The following FRAS1 variants were observed in gnomAD, a reference collection of about 807,000 sequenced individuals.
FRAS1 encodes extracellular matrix organizing protein FRAS1.
A neutral mutation model predicts 435.2 loss-of-function variants in FRAS1; 290 were observed. That is an observed-to-expected ratio of 0.67 (90% confidence interval 0.61 to 0.73). The LOEUF is 0.73. FRAS1 is among the 30% of genes least tolerant of loss of function. The pLI is 0.00. For missense variants in FRAS1, 4,860 were observed against 5,001.5 expected, an observed-to-expected ratio of 0.97 and a Z score of 0.85; for synonymous variants, 1,800 against 1,851.0, an observed-to-expected ratio of 0.97 and a Z score of 0.71.
In FRAS1 at chr4:78,365,749, AAC is replaced by A. The variant is rs1338023956; in HGVS notation, c.2722+1697_2722+1698del. ...GTTTCTAGTACATTAAAAAAAAAAA[AAC>A]AAAAAAAAAAAACAGCCTGACCAAC... On this transcript the variant is annotated intron_variant, in intron 22 of 73. Transcript: ENST00000512123. 5.8e-3 allele frequency among the ~76,000 whole-genome samples: 592 copies of A among 102,448 alleles called. 14 individuals carry two copies. The highest frequency in any genetic ancestry group is 0.027 in the African/African-American group (537 of 20,234). The allele number at this position is 102,448 out of a possible 152,430, so 67.2% of individuals were successfully genotyped here.
At chr4:78,400,410 T>A (rs376227345) in intron 29 of FRAS1, among the ~76,000 whole-genome samples, 2 of 152,282 alleles carry the variant, frequency 1.3e-5, no homozygotes, top group South Asian at 2.1e-4. Context: ...AATGAATAAT[T>A]CTTAAATATG....
intron 2 of FRAS1, among the ~76,000 whole-genome samples, chr4:78,113,930 T>G (rs1742937930): frequency 6.6e-6 from 1 of 152,208 alleles, no homozygotes; most frequent in African/African-American, 2.4e-5. Flanking sequence ...TGGTATTGCC[T>G]AGGTTTTCTT....
intron 2 of FRAS1, among the ~76,000 whole-genome samples, chr4:78,222,135 T>A (rs1724084532): frequency 6.6e-6 from 1 of 152,128 alleles, no homozygotes; most frequent in Admixed American, 6.5e-5. Flanking sequence ...AAGGCACTGG[T>A]TGATTCTGCT....
At chr4:78,082,225 T>C (rs1243720305) in intron 2 of FRAS1, among the ~76,000 whole-genome samples, 1 of 152,120 alleles carries the variant, frequency 6.6e-6, no homozygotes, top group Non-Finnish European at 1.5e-5. Flanking sequence ...CTCTTCTTTA[T>C]TGAAAATATA....
At chr4:78,305,323 A>G (rs1728655351) in intron 14 of FRAS1, among the ~76,000 whole-genome samples, 1 of 151,846 alleles carries the variant, frequency 6.6e-6, no homozygotes, top group East Asian at 1.9e-4. Context: ...TGGTGCTGAA[A>G]AGAATGTATA....
intron 35 of FRAS1, among the ~76,000 whole-genome samples, chr4:78,425,364 G>GA (rs1733958954): frequency 6.6e-6 from 1 of 152,146 alleles, no homozygotes; most frequent in Non-Finnish European, 1.5e-5. Context: ...AGCAAAAGCA[G>GA]AGTCAGACCT....
Position 78,333,421 on chromosome 4 carries a change from G to C in FRAS1, c.2278+9G>C. ...GGAAGGTAGTTGCACAGGTGAGTAT[G>C]TAATGTGCTGAGGCACATTGCCTAT... On this transcript the variant is annotated intron_variant, in intron 19 of 73. Transcript: ENST00000512123. 1 of 1,608,912 alleles carries C rather than the reference G, an allele frequency of 6.2e-7. No homozygotes were observed. The highest frequency in any genetic ancestry group is 1.1e-5 in the South Asian group (1 of 89,426).
chr4:78,497,705 A>T (rs1184007011), intron 60 of FRAS1, among the ~76,000 whole-genome samples: 1 of 152,252 alleles, frequency 6.6e-6, no homozygotes, highest in African/African-American at 2.4e-5. Context: ...ACTCTTAGTT[A>T]TACAGCTGTA....
At chr4:78,302,871 A>G (rs1450392649) in intron 14 of FRAS1, among the ~76,000 whole-genome samples, 1 of 152,178 alleles carries the variant, frequency 6.6e-6, no homozygotes, top group Non-Finnish European at 1.5e-5. Context: ...ATTAGATCCT[A>G]TTTGTCAACT....
rs3086797 is a variant in FRAS1, at chr4:78,373,446, CTAATAA to C, written c.3010+624_3011-624del. ...GCAAAACAGTACTGAGAGCCAAGGA[CTAATAA>C]TAATAATAATAATAATAATAATAAT... On this transcript the variant is annotated intron_variant, in intron 24 of 73. Transcript: ENST00000512123. 4.4e-3 allele frequency among the ~76,000 whole-genome samples: 614 copies of C among 138,906 alleles called. 6 individuals are homozygous for C. Among genetic ancestry groups the C allele is most frequent in the Admixed American group, 5.5e-3 (76 of 13,776 alleles). 91.1% of individuals were successfully genotyped at this position (138,906 alleles called of 152,430 possible).
chr4:78,067,430 G>A (rs1740093869), intron 2 of FRAS1, among the ~76,000 whole-genome samples: 1 of 152,038 alleles, frequency 6.6e-6, no homozygotes, highest in Admixed American at 6.6e-5. Context: ...GAATATGAAA[G>A]GATCAAGTAA....
At chr4:78,240,344 AT>A (rs1388823461) in intron 3 of FRAS1, among the ~76,000 whole-genome samples, 2 of 152,104 alleles carry the variant, frequency 1.3e-5, no homozygotes, top group African/African-American at 4.8e-5. Context: ...TGGAGCACTG[AT>A]AGTGTAGGGA....
rs1739541059 is a variant in FRAS1, at chr4:78,057,832, C to A, written c.-178C>A. On this transcript the variant is annotated 5_prime_UTR_variant, in exon 1 of 74. Transcript: ENST00000512123. The surrounding 1 kb of genome is among the most constrained non-coding windows in gnomAD (Gnocchi z 4.2). ...TGAATTGAACCCCAGCCCGCTCCGG[C>A]GCCTCCGGGCTGATGAGTGTCGCTC... 1.7e-6 allele frequency: 1 copy of A among 590,100 alleles called. No individual in the cohort carries two copies. Among genetic ancestry groups the A allele is most frequent in the Non-Finnish European group, 3.0e-6 (1 of 334,360 alleles). The allele number at this position is 590,100 out of a possible 1,614,324, so 36.6% of individuals were successfully genotyped here.
At chr4:78,141,181 G>C (rs1720166759) in intron 2 of FRAS1, among the ~76,000 whole-genome samples, 1 of 152,092 alleles carries the variant, frequency 6.6e-6, no homozygotes, top group African/African-American at 2.4e-5. Flanking sequence ...TTCTCCTAAT[G>C]CTATCTCTCC....
intron 2 of FRAS1, chr4:78,181,861 G>A (rs2110051660): frequency 6.2e-7 from 1 of 1,612,018 alleles, no homozygotes; most frequent in Non-Finnish European, 8.5e-7. Flanking sequence ...CCGCGTTGGA[G>A]TTGGTCTGGG....
At chr4:78,516,443 A>G (rs1045277645) in intron 66 of FRAS1, among the ~76,000 whole-genome samples, 2 of 152,222 alleles carry the variant, frequency 1.3e-5, no homozygotes, top group Non-Finnish European at 2.9e-5. Context: ...CTGTTGTCCT[A>G]TGCATTGTGG....
chr4:78,438,997 T>C lies in FRAS1; in HGVS notation c.5462T>C (p.Ile1821Thr). Residue 1821 changes from isoleucine (I) to threonine (T), a missense_variant, in exon 40 of 74, where the codon ATA (isoleucine) becomes ACA (threonine). Coordinates refer to ENST00000512123, the MANE Select transcript of FRAS1 (RefSeq NM_025074.7). ...DMDHNHLDNQ[I>T]FTIMITPAEN... is the part of the protein sequence containing the mutation. ...GACCACAACCATCTGGATAATCAGA[T>C]ATTTACCATCATGATCACTCCTGCT... The C allele has an allele frequency of 6.2e-7, 1 of 1,613,544 alleles. No homozygotes were observed. Among genetic ancestry groups the C allele is most frequent in the Non-Finnish European group, 8.5e-7 (1 of 1,179,582 alleles).
intron 14 of FRAS1, among the ~76,000 whole-genome samples, chr4:78,300,639 G>A (rs906193960): frequency 6.6e-6 from 1 of 152,082 alleles, no homozygotes; most frequent in East Asian, 1.9e-4. Context: ...CAGATCTTGT[G>A]TCTGTCTTGC....
chr4:78,223,400 A>G (rs897221192), intron 2 of FRAS1, among the ~76,000 whole-genome samples: 5 of 152,194 alleles, frequency 3.3e-5, no homozygotes, highest in Admixed American at 6.5e-5. Context: ...AAAGGTTTAC[A>G]TGTCTGTAAA....
Sources: gnomAD v4.1 joint callset for allele counts (sites outside exome capture counted in the v4.1 genomes callset) on GRCh38, gnomAD v4.1.1 for gene constraint, Gnocchi (gnomAD v3.1) non-coding constraint, MANE v1.5 for transcripts, NCBI Gene and HGNC (gene_info 2026-07-23, HGNC 2026-07-21) for gene names.